ASPH: variants seen among roughly 807,000 people sequenced by gnomAD.
ASPH encodes aspartate beta-hydroxylase, also known as aspartyl/asparaginyl beta-hydroxylase.
In ASPH, 100 loss-of-function variants were observed where a neutral mutation model predicts 118.4. That is an observed-to-expected ratio of 0.84 (90% confidence interval 0.72 to 1.00). ASPH has a LOEUF of 1.00. ASPH is among the 50% of genes least tolerant of loss of function. The probability of loss-of-function intolerance (pLI) is 0.00; values close to 1 mark genes in which losing one functional copy is unlikely to be tolerated. For missense variants in ASPH, 920 were observed against 919.5 expected, an observed-to-expected ratio of 1.00 and a Z score of -0.01; for synonymous variants, 315 against 325.6, an observed-to-expected ratio of 0.97 and a Z score of 0.35.
At chr8:61,678,777 G>A (rs1249721786) in intron 3 of ASPH, among the ~76,000 whole-genome samples, 1 of 151,872 alleles carries the variant, frequency 6.6e-6, no homozygotes, top group Non-Finnish European at 1.5e-5. Context: ...GATCTCCTGG[G>A]CCTTAATCTA....
At position 61,646,795 on chromosome 8, in the gene ASPH, C is replaced by T. The variant is rs372662604; in HGVS notation, c.574G>A (p.Val192Ile). The change falls in exon 6 of 25, where the codon GTA (valine) becomes ATA (isoleucine). Residue 192 changes from valine to isoleucine, a missense_variant. Coordinates refer to ENST00000379454, the MANE Select transcript of ASPH (RefSeq NM_004318.4). Reference protein sequence around the residue: ...EDDEFLMATDVDDRFETLEPE... With the variant: ...EDDEFLMATDIDDRFETLEPE... ...TCCAGGGTCTCAAATCTATCATCTA[C>T]ATCAGTCGCCATAAGAAACTCATCA... The T allele has an allele frequency of 6.2e-7, 1 of 1,613,688 alleles. No homozygotes were observed. Among genetic ancestry groups the T allele is most frequent in the Non-Finnish European group, 8.5e-7 (1 of 1,179,778 alleles).
At chr8:61,694,352 C>T (rs1002486968) in intron 1 of ASPH, among the ~76,000 whole-genome samples, 2 of 152,200 alleles carry the variant, frequency 1.3e-5, no homozygotes, top group South Asian at 2.1e-4. Context: ...CTTCCCATCA[C>T]AGATGAAATT....
chr8:61,605,813 A>T (rs539835292), intron 14 of ASPH, among the ~76,000 whole-genome samples: 119 of 152,354 alleles, frequency 7.8e-4, no homozygotes, highest in South Asian at 2.5e-3. Context: ...CCATGACGCT[A>T]GTACCAATGC....
chr8:61,576,984 G>A (rs1835368332), intron 15 of ASPH, 126 bp from the exon 16 acceptor site: 1 of 686,450 alleles, frequency 1.5e-6, no homozygotes. Flanking sequence ...TGTAAAGATA[G>A]TTTTATCTAA....
intron 13 of ASPH, chr8:61,628,376 C>T (rs983815791): frequency 9.9e-5 from 30 of 302,332 alleles, no homozygotes. Flanking sequence ...ACTATGTTGC[C>T]CAGGCTGGTC....
intron 21 of ASPH, among the ~76,000 whole-genome samples, chr8:61,544,590 AT>A (rs1164522732): frequency 6.6e-6 from 1 of 152,220 alleles, no homozygotes; most frequent in East Asian, 1.9e-4. Context: ...TTTTCCTCAC[AT>A]TCAGGAAAAA....
intron 1 of ASPH, among the ~76,000 whole-genome samples, chr8:61,691,605 C>T (rs1318357926): frequency 4.6e-5 from 7 of 152,132 alleles, no homozygotes; most frequent in Middle Eastern, 3.2e-3. Context: ...ATGGGTGAGA[C>T]CACTAGAAAC....
intron 1 of ASPH, among the ~76,000 whole-genome samples, chr8:61,686,574 A>G (rs1045601433): frequency 6.6e-6 from 1 of 152,246 alleles, no homozygotes; most frequent in African/African-American, 2.4e-5. Context: ...TATCCAAAAA[A>G]GAACGCTTAT....
At chr8:61,665,840 T>C (rs1819287123) in intron 3 of ASPH, among the ~76,000 whole-genome samples, 1 of 152,178 alleles carries the variant, frequency 6.6e-6, no homozygotes, top group African/African-American at 2.4e-5. Flanking sequence ...CATCTTGAAA[T>C]ATAGTATGAC....
chr8:61,701,111 CT>C (rs1178659045), intron 1 of ASPH, among the ~76,000 whole-genome samples: 23 of 152,130 alleles, frequency 1.5e-4, no homozygotes, highest in Non-Finnish European at 2.9e-5. Flanking sequence ...CACTGTTCTG[CT>C]TTTTTTCTCA....
At chr8:61,512,424 G>A (rs755699625) in intron 24 of ASPH, among the ~76,000 whole-genome samples, 10 of 152,182 alleles carry the variant, frequency 6.6e-5, no homozygotes, top group Admixed American at 1.3e-4. Flanking sequence ...CTGAAGTGAC[G>A]TGTCTATAAA....
chr8:61,608,638 C>G (rs936879636), intron 14 of ASPH, among the ~76,000 whole-genome samples: 1 of 152,118 alleles, frequency 6.6e-6, no homozygotes, highest in Non-Finnish European at 1.5e-5. Context: ...TCAGGTGATA[C>G]CAATAAAAAT....
chr8:61,500,833 A>C lies in ASPH; in HGVS notation c.*2526T>G, dbSNP rs914150846. 3 of 152,196 alleles carry C rather than the reference A, an allele frequency of 2.0e-5. No homozygotes were observed. Among genetic ancestry groups the C allele is most frequent in the Non-Finnish European group, 4.4e-5 (3 of 68,032 alleles). The allele number at this position is 152,196 out of a possible 1,614,324, so 9.4% of individuals were successfully genotyped here. A position where few individuals can be genotyped will look rare whatever the true frequency, so the allele number is the denominator to read the frequency against. Reference sequence around the variant, plus strand: ...GTAAAATATGATTTTACATTATTTTAAATATTTGGGAGAGTTAATTTGTTA... The same window carrying C: ...GTAAAATATGATTTTACATTATTTTCAATATTTGGGAGAGTTAATTTGTTA... On this transcript the variant is annotated 3_prime_UTR_variant, in exon 25 of 25. Coordinates refer to ENST00000379454, the MANE Select transcript of ASPH (RefSeq NM_004318.4).
chr8:61,511,334 A>G (rs1808741971), intron 24 of ASPH, among the ~76,000 whole-genome samples: 1 of 152,186 alleles, frequency 6.6e-6, no homozygotes, highest in Non-Finnish European at 1.5e-5. Flanking sequence ...CTGACAACCT[A>G]TCAGTCTTGT....
rs547312285 is a variant in ASPH, at chr8:61,628,603, C to T, written c.934+5080G>A. On this transcript the variant is annotated intron_variant, in intron 13 of 24. Coordinates refer to ENST00000379454, the MANE Select transcript of ASPH (RefSeq NM_004318.4). ...TGTAAGCTCTAGCTTCCTCTGCTCT[C>T]CTCCTGCCAGCTCCTGGAGCTTTTA... is the stretch of plus-strand genomic sequence containing the variant. Among the ~76,000 whole-genome samples the T allele has an allele frequency of 1.6e-3, 244 of 152,230 alleles. 1 individual carries two copies. The highest frequency in any genetic ancestry group is 5.3e-3 in the African/African-American group (221 of 41,534).
At chr8:61,586,844 T>G (rs1205780257) in intron 14 of ASPH, among the ~76,000 whole-genome samples, 2 of 152,176 alleles carry the variant, frequency 1.3e-5, no homozygotes, top group African/African-American at 4.8e-5. Context: ...GAACTTGAAG[T>G]TCAGTTTCAC....
intron 3 of ASPH, chr8:61,663,248 G>C: frequency 6.1e-6 from 6 of 985,194 alleles, no homozygotes; most frequent in Non-Finnish European, 7.2e-6. Context: ...GTTTGAGTGG[G>C]ACCCACTCAA....
intron 3 of ASPH, among the ~76,000 whole-genome samples, chr8:61,679,823 A>C (rs1827079205): frequency 6.6e-6 from 1 of 151,706 alleles, no homozygotes; most frequent in South Asian, 2.1e-4. Context: ...TATTTAGAGA[A>C]ACTCAAATAT....
chr8:61,652,731 C>T (rs1811671212), intron 4 of ASPH, among the ~76,000 whole-genome samples: 1 of 152,116 alleles, frequency 6.6e-6, no homozygotes, highest in East Asian at 1.9e-4. Flanking sequence ...AAGTTACTAT[C>T]TATTCTGGAG....
Sources: gnomAD v4.1 joint callset for allele counts (sites outside exome capture counted in the v4.1 genomes callset) on GRCh38, gnomAD v4.1.1 for gene constraint, MANE v1.5 for transcripts, NCBI Gene and HGNC (gene_info 2026-07-23, HGNC 2026-07-21) for gene names.